The following N4BP1 variants were observed in gnomAD, a reference collection of about 807,000 sequenced individuals.
The protein encoded by N4BP1 is NEDD4-binding protein 1.
Under a neutral mutation model 70.9 loss-of-function variants are expected in N4BP1, and 21 were observed. The ratio of observed to expected loss-of-function variants is 0.30; its 90% CI spans 0.21 to 0.43. The LOEUF (loss-of-function observed/expected upper bound fraction) is 0.43, where lower values mean the gene tolerates loss of function less well. Ranked by LOEUF, N4BP1 falls within the 20% of genes least tolerant of loss-of-function variation. The pLI, the probability that N4BP1 is intolerant of heterozygous loss-of-function variation, is 1.00. For missense variants in N4BP1, 936 were observed against 1,069.4 expected, an observed-to-expected ratio of 0.88 and a Z score of 1.74; for synonymous variants, 387 against 394.6, an observed-to-expected ratio of 0.98 and a Z score of 0.23.
At chr16:48,576,312 T>G (rs1045645848) in intron 1 of N4BP1, among the ~76,000 whole-genome samples, 1 of 152,196 alleles carries the variant, frequency 6.6e-6, no homozygotes. Context: ...TTTCAACATT[T>G]GCTGTCTGTT....
chr16:48,607,676 A>C (rs111708153), intron 1 of N4BP1, among the ~76,000 whole-genome samples: 4 of 152,240 alleles, frequency 2.6e-5, no homozygotes, highest in Admixed American at 2.6e-4. Context: ...AGAGATTTTC[A>C]GAAGAAAAAG....
In N4BP1 at chr16:48,609,692, A is replaced by G. The variant is rs1964647443; in HGVS notation, c.198+83T>C. ...TCCCAACCCAGGCGCATCGCGGCGG[A>G]CGGCGGGGGCGGGGAGGAGCGGGAG... On this transcript the variant is annotated intron_variant, in intron 1 of 6. Transcript: ENST00000262384. 5 of 1,156,456 alleles carry G rather than the reference A, an allele frequency of 4.3e-6. No homozygotes were observed. In the African/African-American group the frequency reaches 4.8e-5, roughly 11 times the overall value. The allele number at this position is 1,156,456 out of a possible 1,614,324, so 71.6% of individuals were successfully genotyped here. A position where few individuals can be genotyped will look rare whatever the true frequency, so the allele number is the denominator to read the frequency against.
In N4BP1 at chr16:48,593,276, A is replaced by G. The variant is rs184373724; in HGVS notation, c.198+16499T>C. 3.4e-3 allele frequency among the ~76,000 whole-genome samples: 514 copies of G among 152,350 alleles called. 2 individuals carry two copies. The highest frequency in any genetic ancestry group is 6.8e-3 in the Middle Eastern group (2 of 294). The stretch of plus-strand genomic sequence containing the variant: ...TGCTTACTAACCAGGTTTTTCACCG[A>G]AAGTAAAAGTTGCTAAGAGTTAACA... On this transcript the variant is annotated intron_variant, in intron 1 of 6. Coordinates refer to ENST00000262384, the MANE Select transcript of N4BP1 (RefSeq NM_153029.4).
chr16:48,578,177 C>A, intron 1 of N4BP1: 1 of 177,882 alleles, frequency 5.6e-6, no homozygotes, highest in Non-Finnish European at 1.2e-5. Context: ...GGGACTTGAT[C>A]TTCATGTTCT....
chr16:48,567,300 A>G (rs1963956881), intron 1 of N4BP1, among the ~76,000 whole-genome samples: 1 of 152,118 alleles, frequency 6.6e-6, no homozygotes, highest in African/African-American at 2.4e-5. Context: ...AACACTTAGT[A>G]TAATAATTTA....
At chr16:48,587,604 C>T (rs1484193770) in intron 1 of N4BP1, among the ~76,000 whole-genome samples, 1 of 152,178 alleles carries the variant, frequency 6.6e-6, no homozygotes, top group Non-Finnish European at 1.5e-5. Context: ...GCTCTCTTCA[C>T]TTTTCATGAT....
Position 48,541,258 on chromosome 16 carries a change from G to C in N4BP1, c.*1646C>G, listed in dbSNP as rs1467590278. The C allele has an allele frequency of 2.6e-5, 4 of 152,254 alleles. No homozygotes were observed. The highest frequency in any genetic ancestry group is 9.6e-5 in the African/African-American group (4 of 41,462). 9.4% of individuals were successfully genotyped at this position (152,254 alleles called of 1,614,324 possible). ...GCCCGCACACCTCAGTTGTGCTTTT[G>C]AAAACAGGTACAAAGCTGAGGCATG... On this transcript the variant is annotated 3_prime_UTR_variant, in exon 7 of 7. Transcript: ENST00000262384.
rs188178770 is a variant in N4BP1 at position 48,580,209 on chromosome 16, T to A, written c.199-17765A>T. 4.6e-5 allele frequency among the ~76,000 whole-genome samples: 7 copies of A among 151,946 alleles called. No homozygotes were observed. In the East Asian group the frequency reaches 1.4e-3, roughly 29 times the overall value. On this transcript the variant is annotated intron_variant, in intron 1 of 6. Transcript: ENST00000262384. ...AAAATTCATAACCCTTTAGCTAGAC[T>A]AAGAAAAAAGAGGAGACAAAATCAG...
At chr16:48,607,880 T>C (rs1235994599) in intron 1 of N4BP1, among the ~76,000 whole-genome samples, 2 of 148,468 alleles carry the variant, frequency 1.3e-5, no homozygotes, top group Non-Finnish European at 3.0e-5. Flanking sequence ...TTTTGTTTTG[T>C]TGAGACGGAG....
chr16:48,586,693 G>A (rs971144847), intron 1 of N4BP1, among the ~76,000 whole-genome samples: 5 of 152,090 alleles, frequency 3.3e-5, no homozygotes, highest in Non-Finnish European at 7.4e-5. Flanking sequence ...GTTCCTAAAG[G>A]TCCCTGGGAA....
chr16:48,599,098 A>C (rs962818988), intron 1 of N4BP1, among the ~76,000 whole-genome samples: 11 of 152,200 alleles, frequency 7.2e-5, no homozygotes, highest in Non-Finnish European at 1.6e-4. Flanking sequence ...TGATGGAATT[A>C]GGGTACAAGC....
chr16:48,582,703 C>T (rs979534209), intron 1 of N4BP1, among the ~76,000 whole-genome samples: 2 of 151,836 alleles, frequency 1.3e-5, no homozygotes, highest in African/African-American at 4.8e-5. Flanking sequence ...GGAAAAAAAA[C>T]GTTGTATATA....
intron 1 of N4BP1, among the ~76,000 whole-genome samples, chr16:48,578,675 T>C (rs1280180212): frequency 6.6e-6 from 1 of 152,236 alleles, no homozygotes; most frequent in Non-Finnish European, 1.5e-5. Context: ...GCTCAAAAAC[T>C]TTCTAAAGCT....
intron 1 of N4BP1, among the ~76,000 whole-genome samples, chr16:48,584,429 G>A (rs1048743009): frequency 1.3e-5 from 2 of 152,178 alleles, no homozygotes; most frequent in Non-Finnish European, 2.9e-5. Context: ...TTCACGGTAT[G>A]AATGAGAAAT....
At chr16:48,600,049 T>A (rs1313093979) in intron 1 of N4BP1, 1 of 299,844 alleles carries the variant, frequency 3.3e-6, no homozygotes, top group African/African-American at 2.2e-5. Context: ...AGTAACAATT[T>A]CATTTTCTTA....
At position 48,542,787 on chromosome 16, in the gene N4BP1, C is replaced by T; in HGVS notation, c.*117G>A. 1 of 948,516 alleles carries T rather than the reference C, an allele frequency of 1.1e-6. No homozygotes were observed. Among genetic ancestry groups the T allele is most frequent in the Non-Finnish European group, 1.5e-6 (1 of 666,764 alleles). The allele number at this position is 948,516 out of a possible 1,614,324, so 58.8% of individuals were successfully genotyped here. On this transcript the variant is annotated 3_prime_UTR_variant, in exon 7 of 7. Coordinates refer to ENST00000262384, the MANE Select transcript of N4BP1 (RefSeq NM_153029.4). ...CCCAAAACATTTTTTTTCTGTACAA[C>T]TGCGTTTACACTGGGAAATAAGTTT...
chr16:48,589,401 T>A (rs1355030447), intron 1 of N4BP1, among the ~76,000 whole-genome samples: 1 of 152,152 alleles, frequency 6.6e-6, no homozygotes, highest in Non-Finnish European at 1.5e-5. Flanking sequence ...CAATCACGCC[T>A]ATGTAATGAG....
At chr16:48,601,815 A>C (rs545840286) in intron 1 of N4BP1, among the ~76,000 whole-genome samples, 28 of 152,282 alleles carry the variant, frequency 1.8e-4, no homozygotes, top group Non-Finnish European at 1.3e-4. Flanking sequence ...GACTCAAGCA[A>C]TCTTAATGCC....
chr16:48,595,713 A>G (rs1964402422), intron 1 of N4BP1, among the ~76,000 whole-genome samples: 1 of 152,222 alleles, frequency 6.6e-6, no homozygotes, highest in African/African-American at 2.4e-5. Flanking sequence ...TTTGACTGGA[A>G]TGGCGTGCTT....
Sources: allele counts gnomAD v4.1 joint callset (sites outside exome capture counted in the v4.1 genomes callset), GRCh38; gene constraint gnomAD v4.1.1; transcripts MANE v1.5; gene names NCBI Gene and HGNC (gene_info 2026-07-23, HGNC 2026-07-21).